The following KTN1 variants were observed in gnomAD, a reference collection of about 807,000 sequenced individuals.
The protein encoded by KTN1 is kinectin.
In KTN1, 130 loss-of-function variants were observed where a neutral mutation model predicts 222.5. That is an observed-to-expected ratio of 0.58 (90% CI 0.51 to 0.68). The LOEUF is 0.68. Among genes scored for constraint, KTN1 ranks in the 30% least tolerant of loss-of-function variants. The pLI is 0.00. For synonymous variants in KTN1, 512 were observed against 496.3 expected (o/e 1.03, Z -0.42); for missense variants, 1,508 against 1,500.4 (o/e 1.01, Z -0.08).
intron 5 of KTN1, among the ~76,000 whole-genome samples, chr14:55,621,833 A>G (rs889244229): frequency 6.7e-6 from 1 of 148,672 alleles, no homozygotes; most frequent in Admixed American, 6.8e-5. Flanking sequence ...AATAAGTAAG[A>G]TGATTTATAT....
intron 1 of KTN1, among the ~76,000 whole-genome samples, chr14:55,593,439 C>CA (rs1361458249): frequency 7.3e-6 from 1 of 137,564 alleles, no homozygotes; most frequent in East Asian, 2.1e-4. Context: ...AATAGACACC[C>CA]CCCCCCCAAA....
chr14:55,601,996 A>T (rs1475549408), intron 1 of KTN1: 1 of 152,212 alleles, frequency 6.6e-6, no homozygotes, highest in Non-Finnish European at 1.5e-5. Flanking sequence ...GTGGCCTCTG[A>T]AGGTGCTGGG....
intron 34 of KTN1, among the ~76,000 whole-genome samples, chr14:55,669,019 G>A (rs2045185359): frequency 6.6e-6 from 1 of 152,050 alleles, no homozygotes; most frequent in Non-Finnish European, 1.5e-5. Flanking sequence ...TTCTAGTGCT[G>A]TTGTTAAATT....
At chr14:55,581,607 C>G (rs1484022324) in intron 1 of KTN1, among the ~76,000 whole-genome samples, 2 of 152,168 alleles carry the variant, frequency 1.3e-5, no homozygotes, top group Non-Finnish European at 2.9e-5. Flanking sequence ...AGATAAGCAT[C>G]TTCGGTGAAC....
chr14:55,602,568 A>G (rs1032258363), intron 1 of KTN1, among the ~76,000 whole-genome samples: 3 of 152,034 alleles, frequency 2.0e-5, no homozygotes, highest in African/African-American at 7.3e-5. Flanking sequence ...TGTGTTTTAT[A>G]AGACCTTCAA....
chr14:55,600,976 A>G (rs941252110), intron 1 of KTN1, among the ~76,000 whole-genome samples: 49 of 152,200 alleles, frequency 3.2e-4, no homozygotes, highest in African/African-American at 1.0e-3. Flanking sequence ...TGGTTTGGGC[A>G]TGATGAGTAA....
intron 12 of KTN1, among the ~76,000 whole-genome samples, chr14:55,638,561 A>G (rs2041406279): frequency 1.3e-5 from 2 of 151,114 alleles, no homozygotes; most frequent in Non-Finnish European, 3.0e-5. Context: ...CAAAGCTTTG[A>G]CCATATAAAT....
chr14:55,588,033 T>C (rs1275641521), intron 1 of KTN1, among the ~76,000 whole-genome samples: 2 of 152,178 alleles, frequency 1.3e-5, no homozygotes, highest in Non-Finnish European at 1.5e-5. Flanking sequence ...ATGTGGGAAT[T>C]AGGGGCACTA....
chr14:55,601,012 C>T lies in KTN1; in HGVS notation c.-30-11007C>T, dbSNP rs187281488. Reference sequence around the variant, plus strand: ...GCAAAAGTCTAAAAGATACTTTCAGCAGCTATGACCTCTGCAATTCCTTTT... The same window carrying T: ...GCAAAAGTCTAAAAGATACTTTCAGTAGCTATGACCTCTGCAATTCCTTTT... On this transcript the variant is annotated intron_variant, in intron 1 of 43. Transcript: ENST00000395314. 2.4e-3 allele frequency among the ~76,000 whole-genome samples: 361 copies of T among 152,210 alleles called. 2 individuals carry two copies. In the South Asian group the frequency reaches 0.025, roughly 10 times the overall value.
At position 55,612,113 on chromosome 14, in the gene KTN1, T is replaced by G. The variant is rs756269724; in HGVS notation, c.65T>G (p.Phe22Cys). ...LIPSIVITVI[F>C]LFFWLFMKET... ...CCTTCAATAGTTATTACAGTAATTT[T>G]CCTCTTCTTCTGGCTTTTCATGAAA... is the stretch of plus-strand genomic sequence containing the variant. The change falls in exon 2 of 44, where the codon TTC becomes TGC. Residue 22 changes from phenylalanine to cysteine, a missense_variant. Transcript: ENST00000395314. 1.3e-5 allele frequency: 20 copies of G among 1,555,322 alleles called. No individual in the cohort carries two copies. The highest frequency in any genetic ancestry group is 1.5e-5 in the Non-Finnish European group (17 of 1,158,086).
chr14:55,677,253 A>G (rs1459257191), intron 41 of KTN1, among the ~76,000 whole-genome samples: 1 of 152,134 alleles, frequency 6.6e-6, no homozygotes, highest in Admixed American at 6.5e-5. Flanking sequence ...AGGTGGGCGG[A>G]TCACCTGAGG....
chr14:55,641,371 T>C (rs1366813269), intron 17 of KTN1, among the ~76,000 whole-genome samples, 163 bp downstream of exon 17: 1 of 152,086 alleles, frequency 6.6e-6, no homozygotes, highest in Non-Finnish European at 1.5e-5. Flanking sequence ...TCATAGACTT[T>C]CCCCCTAGAT....
At chr14:55,593,654 GC>G (rs1398687283) in intron 1 of KTN1, among the ~76,000 whole-genome samples, 1 of 152,022 alleles carries the variant, frequency 6.6e-6, no homozygotes, top group African/African-American at 2.4e-5. Context: ...CAAAATACTT[GC>G]AAAGCACTTG....
intron 19 of KTN1, 64 bp from the exon 20 acceptor site, chr14:55,647,961 A>G (rs2042559842): frequency 2.0e-6 from 1 of 489,368 alleles, no homozygotes; most frequent in Non-Finnish European, 3.2e-6. Flanking sequence ...AATAATAATT[A>G]TAATAATAAT....
intron 28 of KTN1, among the ~76,000 whole-genome samples, chr14:55,655,373 T>G (rs1323589063): frequency 6.6e-6 from 1 of 152,244 alleles, no homozygotes; most frequent in Non-Finnish European, 1.5e-5. Flanking sequence ...TGTCATTTTT[T>G]TCATATAGAT....
chr14:55,663,869 A>G (rs1253901873), intron 32 of KTN1, 86 bp from the exon 33 acceptor site: 2 of 813,014 alleles, frequency 2.5e-6, no homozygotes, highest in Non-Finnish European at 4.0e-6. Flanking sequence ...CAGCATTTAA[A>G]TGCAGTGCAA....
At chr14:55,623,596 C>A (rs2140827712) in intron 5 of KTN1, among the ~76,000 whole-genome samples, 1 of 152,328 alleles carries the variant, frequency 6.6e-6, no homozygotes, top group East Asian at 1.9e-4. Flanking sequence ...GTTTCAAGGT[C>A]CTGAGCTCAA....
At chr14:55,659,752 T>G in intron 31 of KTN1, 49 bp downstream of exon 31, 1 of 1,055,800 alleles carries the variant, frequency 9.5e-7, no homozygotes, top group African/African-American at 1.6e-5. Context: ...ACTATTTTTA[T>G]GTGGTAAACC....
At chr14:55,608,818 C>T (rs1350374835) in intron 1 of KTN1, among the ~76,000 whole-genome samples, 1 of 151,720 alleles carries the variant, frequency 6.6e-6, no homozygotes, top group Non-Finnish European at 1.5e-5. Flanking sequence ...TTAGTAGAGA[C>T]GGGGTTTCAC....
Sources: gnomAD v4.1 joint callset for allele counts (sites outside exome capture counted in the v4.1 genomes callset) on GRCh38, gnomAD v4.1.1 for gene constraint, MANE v1.5 for transcripts, NCBI Gene and HGNC (gene_info 2026-07-23, HGNC 2026-07-21) for gene names.